Variants in TNRC18 observed in about 807,000 individuals in gnomAD.
TNRC18 encodes the protein trinucleotide repeat-containing gene 18 protein.
In TNRC18, 69 loss-of-function variants were observed where a neutral mutation model predicts 226.7. That is an observed-to-expected ratio of 0.30 (90% CI 0.25 to 0.37). TNRC18 has a LOEUF of 0.37. Among genes scored for constraint, TNRC18 ranks in the 10% least tolerant of loss-of-function variants. The pLI is 1.00. For missense variants in TNRC18, 4,754 were observed against 4,256.6 expected (o/e 1.12, Z -3.25); for synonymous variants, 2,449 against 1,927.6 (o/e 1.27, Z -7.09).
intron 11 of TNRC18, among the ~76,000 whole-genome samples, chr7:5,367,229 G>T (rs997152865): frequency 6.6e-6 from 1 of 151,990 alleles, no homozygotes; most frequent in Admixed American, 6.6e-5. Flanking sequence ...GCTGGATGTG[G>T]TAGCATGTGC....
intron 22 of TNRC18, 43 bp from the exon 23 acceptor site, chr7:5,320,650 T>A: frequency 1.3e-6 from 2 of 1,567,842 alleles, no homozygotes; most frequent in East Asian, 2.3e-5. Context: ...GGCCGAGACC[T>A]CCCCAGAGGG....
intron 24 of TNRC18, among the ~76,000 whole-genome samples, chr7:5,316,372 C>T (rs1583744732): frequency 1.3e-5 from 2 of 151,166 alleles, no homozygotes; most frequent in African/African-American, 4.9e-5. Context: ...CTCCGCCTCC[C>T]GGGTTCAAGT....
At chr7:5,382,034 G>A (rs938566881) in intron 5 of TNRC18, among the ~76,000 whole-genome samples, 3 of 152,074 alleles carry the variant, frequency 2.0e-5, no homozygotes, top group African/African-American at 7.2e-5. Context: ...AACAAAGGCT[G>A]TCCCTGTGCC....
Position 5,371,179 on chromosome 7 carries a change from T to C in TNRC18, c.3415A>G (p.Lys1139Glu), listed in dbSNP as rs749735200. ...CCCTCCCGCAGCGGCTCTGTGATCT[T>C]GGAGGGGGACAAGCGGATGGGCTTG... ...EDKPIRLSPSKITEPLREGPE... is the reference protein window; with the variant it reads ...EDKPIRLSPSEITEPLREGPE... Residue 1139 changes from lysine to glutamate, a missense_variant, in exon 11 of 30, where the codon AAG (lysine) becomes GAG (glutamate). Coordinates refer to ENST00000430969, the MANE Select transcript of TNRC18 (RefSeq NM_001080495.3). The C allele has an allele frequency of 6.2e-6, 10 of 1,606,548 alleles. No individual in the cohort carries two copies. The Admixed American group carries it at 1.3e-4, about 22-fold the overall frequency.
intron 24 of TNRC18, among the ~76,000 whole-genome samples, chr7:5,318,298 C>T (rs546350447): frequency 6.6e-5 from 10 of 152,196 alleles, no homozygotes; most frequent in South Asian, 2.1e-4. Context: ...GGACTACAGA[C>T]GTGAGCCACC....
Position 5,421,087 on chromosome 7 carries a change from C to T in TNRC18, c.160G>A (p.Ala54Thr), listed in dbSNP as rs1310353848. 2 of 1,490,454 alleles carry T rather than the reference C, an allele frequency of 1.3e-6. No homozygotes were observed. The highest frequency in any genetic ancestry group is 1.8e-6 in the Non-Finnish European group (2 of 1,110,900). The allele number at this position is 1,490,454 out of a possible 1,614,324, so 92.3% of individuals were successfully genotyped here. ...GGGTGCGGATGGAGATTCAGGCCGGCCATGTACTTCCCGGGCGGCAGCGGG... is the reference window on the plus strand; with the variant it reads ...GGGTGCGGATGGAGATTCAGGCCGGTCATGTACTTCCCGGGCGGCAGCGGG... ...PGPLPPGKYM[A>T]GLNLHPHPGE... Residue 54 changes from alanine (A) to threonine (T), a missense_variant, in exon 2 of 30, where the codon GCC becomes ACC. By Grantham distance (58) the Ala-to-Thr change is moderately conservative. Transcript: ENST00000430969.
At chr7:5,326,737 G>A (rs958270304) in intron 19 of TNRC18, among the ~76,000 whole-genome samples, 8 of 151,578 alleles carry the variant, frequency 5.3e-5, no homozygotes, top group African/African-American at 1.7e-4. Context: ...CACCCGGTAG[G>A]CGGAGGTTGC....
At chr7:5,355,698 G>T (rs1792292364) in intron 16 of TNRC18, among the ~76,000 whole-genome samples, 1 of 152,068 alleles carries the variant, frequency 6.6e-6, no homozygotes, top group African/African-American at 2.4e-5. Context: ...GGGAAACACT[G>T]CAAGACCCTG....
intron 2 of TNRC18, among the ~76,000 whole-genome samples, chr7:5,395,706 A>G (rs1211578953): frequency 6.6e-6 from 1 of 152,220 alleles, no homozygotes; most frequent in Non-Finnish European, 1.5e-5. Flanking sequence ...TGACAATATA[A>G]TGAGGCCGAA....
chr7:5,311,987 T>C (rs1787266937), intron 27 of TNRC18, among the ~76,000 whole-genome samples: 1 of 150,014 alleles, frequency 6.7e-6, no homozygotes, highest in Admixed American at 6.6e-5. Context: ...AATACAAAAA[T>C]TAGCCAGGCG....
intron 18 of TNRC18, among the ~76,000 whole-genome samples, chr7:5,335,835 GAAAAAAA>G (rs61412615): frequency 0.016 from 2,056 of 126,776 alleles, 34 homozygotes; most frequent in Middle Eastern, 0.025. Flanking sequence ...ATATTCACTG[GAAAAAAA>G]AAAAAAAAAA....
At chr7:5,327,772 A>G (rs1450036015) in intron 19 of TNRC18, among the ~76,000 whole-genome samples, 1 of 152,188 alleles carries the variant, frequency 6.6e-6, no homozygotes, top group African/African-American at 2.4e-5. Context: ...AAATAAGAAA[A>G]TAACTTCCGA....
intron 17 of TNRC18, 79 bp from the exon 18 acceptor site, chr7:5,345,889 T>G (rs1791139118): frequency 6.8e-7 from 1 of 1,475,412 alleles, no homozygotes; most frequent in South Asian, 1.3e-5. Context: ...TGGCCCAGAG[T>G]GGCCTCTGGG....
chr7:5,334,172 C>CG (rs1282440309), intron 18 of TNRC18, among the ~76,000 whole-genome samples: 1 of 152,210 alleles, frequency 6.6e-6, no homozygotes, highest in Admixed American at 6.5e-5. Context: ...CTACTGACCC[C>CG]GGGGGGCAGC....
chr7:5,317,710 GGT>G (rs1491290441), intron 24 of TNRC18, among the ~76,000 whole-genome samples: 1 of 79,150 alleles, frequency 1.3e-5, no homozygotes. Flanking sequence ...GAACTCTTAA[GGT>G]TTTTTTTTTT....
intron 2 of TNRC18, among the ~76,000 whole-genome samples, chr7:5,404,656 C>G (rs1385628755): frequency 3.9e-5 from 6 of 152,014 alleles, no homozygotes; most frequent in Non-Finnish European, 5.9e-5. Flanking sequence ...GGATCCCTCC[C>G]AAGGAAACAG....
At position 5,388,772 on chromosome 7, in the gene TNRC18, G is replaced by T. The variant is rs1780027515; in HGVS notation, c.1052C>A (p.Ala351Asp). The change falls in exon 5 of 30, where the codon GCC (alanine) becomes GAC (aspartate). Residue 351 changes from alanine to aspartate, a missense_variant. Physicochemically the swap from Ala to Asp is moderately radical, Grantham distance 126. Transcript: ENST00000430969. ...GACGGTGTAGACGCCGGCGGGGGTG[G>T]CCGCGGGGGGTGCAGGAGGCCCCTT... is the stretch of plus-strand genomic sequence containing the variant. ...PPKGPPAPPA[A>D]TPAGVYTVFR... 2 of 1,224,164 alleles carry T rather than the reference G, an allele frequency of 1.6e-6. No individual in the cohort carries two copies. The highest frequency in any genetic ancestry group is 5.2e-5 in the South Asian group (2 of 38,132). The allele number at this position is 1,224,164 out of a possible 1,614,324, so 75.8% of individuals were successfully genotyped here. A position where few individuals can be genotyped will look rare whatever the true frequency, so the allele number is the denominator to read the frequency against.
At chr7:5,368,352 T>C (rs983107213) in intron 11 of TNRC18, among the ~76,000 whole-genome samples, 3 of 146,452 alleles carry the variant, frequency 2.0e-5, no homozygotes, top group African/African-American at 5.0e-5. Context: ...CTTTGAAAAA[T>C]GTTTAATAAA....
rs965026108 is a variant in TNRC18, at chr7:5,374,221, G to A, written c.3063C>T (p.Tyr1021=). The change falls in exon 10 of 30, where the codon TAC becomes TAT. Residue 1021 remains tyrosine (Y), a synonymous_variant. Coordinates refer to ENST00000430969, the MANE Select transcript of TNRC18 (RefSeq NM_001080495.3). ...GGGAGCTGGGGGTGGCGGGGTAGGC[G>A]TAGGCGGGTGGCTTGGACACGTCCT... ...KLEDVSKPPA[Y]AYPATPSSHP... 1.6e-5 allele frequency: 24 copies of A among 1,492,798 alleles called. No individual in the cohort carries two copies. Among genetic ancestry groups the A allele is most frequent in the Admixed American group, 8.9e-5 (4 of 44,758 alleles). The allele number at this position is 1,492,798 out of a possible 1,614,324, so 92.5% of individuals were successfully genotyped here. A position where few individuals can be genotyped will look rare whatever the true frequency, so the allele number is the denominator to read the frequency against.
Sources: allele counts gnomAD v4.1 joint callset (sites outside exome capture counted in the v4.1 genomes callset), GRCh38; gene constraint gnomAD v4.1.1; transcripts MANE v1.5; gene names NCBI Gene and HGNC (gene_info 2026-07-23, HGNC 2026-07-21).